The following PLA2G2F variants were observed in gnomAD, a reference collection of about 807,000 sequenced individuals.
PLA2G2F encodes phospholipase A2 group IIF.
PLA2G2F carries 17 observed loss-of-function variants against 15.9 expected under a neutral mutation model. That is an observed-to-expected ratio of 1.07 (90% CI 0.73 to 1.60). The LOEUF is 1.60. PLA2G2F is among the 40% of genes most tolerant of loss of function. PLA2G2F has a pLI of 0.00. For missense variants in PLA2G2F, 299 were observed against 278.2 expected, an observed-to-expected ratio of 1.07 and a Z score of -0.53; for synonymous variants, 119 against 106.5, an observed-to-expected ratio of 1.12 and a Z score of -0.72.
At chr1:20,143,729 G>A (rs1163834844) in intron 3 of PLA2G2F, 139 bp downstream of exon 3, 3 of 1,092,978 alleles carry the variant, frequency 2.7e-6, no homozygotes, top group African/African-American at 3.2e-5. Context: ...TTGGTGACCA[G>A]AGCCTGGTCT....
intron 4 of PLA2G2F, among the ~76,000 whole-genome samples, chr1:20,145,060 A>G (rs2017560086): frequency 6.6e-6 from 1 of 152,052 alleles, no homozygotes; most frequent in South Asian, 2.1e-4. Flanking sequence ...AGCCTGGGAG[A>G]CAGAGTGAGA....
chr1:20,142,740 A>G (rs1483751041), intron 2 of PLA2G2F: 1 of 152,232 alleles, frequency 6.6e-6, no homozygotes, highest in Non-Finnish European at 1.5e-5. Flanking sequence ...CTGTTTCTTC[A>G]TTAGCGATCA....
At chr1:20,140,580 T>C (rs1267213843) in intron 2 of PLA2G2F, 3 of 237,052 alleles carry the variant, frequency 1.3e-5, no homozygotes, top group Non-Finnish European at 2.5e-5. Flanking sequence ...TGTAGGTGTG[T>C]CTGAGCATGT....
Position 20,140,436 on chromosome 1 carries a change from G to T in PLA2G2F, c.169+218G>T, listed in dbSNP as rs1377563909. ...TGCATTTATGAGCCCTGGGGGGCAG[G>T]GCGCAGGGCTGAGCAAGCATCGTAA... is the stretch of plus-strand genomic sequence containing the variant. On this transcript the variant is annotated intron_variant, in intron 2 of 4. Coordinates refer to ENST00000375102, the MANE Select transcript of PLA2G2F (RefSeq NM_022819.4). 7.2e-6 allele frequency: 4 copies of T among 553,448 alleles called. No homozygotes were observed. The East Asian group carries it at 9.1e-5, about 13-fold the overall frequency. 34.3% of individuals were successfully genotyped at this position (553,448 alleles called of 1,614,324 possible). A position where few individuals can be genotyped will look rare whatever the true frequency, so the allele number is the denominator to read the frequency against.
Position 20,148,320 on chromosome 1 carries a change from G to T in PLA2G2F, c.555G>T (p.Thr185=). Reference sequence around the variant, plus strand: ...TCAATGTCTACTGCCAGGGCCCCACGCCCAACTGCAGCATCTATGAACCGC... The same window carrying T: ...TCAATGTCTACTGCCAGGGCCCCACTCCCAACTGCAGCATCTATGAACCGC... ...GFLNVYCQGP[T]PNCSIYEPPP... Residue 185 remains threonine, a synonymous_variant, in exon 5 of 5, where the codon ACG becomes ACT. Transcript: ENST00000375102. 1 of 1,613,966 alleles carries T rather than the reference G, an allele frequency of 6.2e-7. No individual in the cohort carries two copies. The highest frequency in any genetic ancestry group is 8.5e-7 in the Non-Finnish European group (1 of 1,179,978).
At chr1:20,147,201 C>T (rs1034501306) in intron 4 of PLA2G2F, among the ~76,000 whole-genome samples, 6 of 152,182 alleles carry the variant, frequency 3.9e-5, no homozygotes, top group African/African-American at 1.4e-4. Context: ...AAATGCCAAT[C>T]ATCAAGCCCC....
chr1:20,145,475 T>A (rs1448552099), intron 4 of PLA2G2F, among the ~76,000 whole-genome samples: 1 of 151,688 alleles, frequency 6.6e-6, no homozygotes, highest in Non-Finnish European at 1.5e-5. Flanking sequence ...AGATACAGGG[T>A]TTCACCATGT....
chr1:20,146,380 G>A (rs750379136), intron 4 of PLA2G2F, among the ~76,000 whole-genome samples: 3 of 152,182 alleles, frequency 2.0e-5, no homozygotes, highest in African/African-American at 4.8e-5. Flanking sequence ...ATCCTAGGAC[G>A]CCCAGTGTTT....
At chr1:20,147,046 T>C (rs1421344536) in intron 4 of PLA2G2F, among the ~76,000 whole-genome samples, 1 of 152,162 alleles carries the variant, frequency 6.6e-6, no homozygotes, top group Non-Finnish European at 1.5e-5. Flanking sequence ...GCATCAGCTT[T>C]CTTTAAAGAG....
Position 20,148,184 on chromosome 1 carries a change from CT to C in PLA2G2F, c.425-5del. The C allele has an allele frequency of 1.2e-6, 2 of 1,613,712 alleles. No homozygotes were observed. Among genetic ancestry groups the C allele is most frequent in the East Asian group, 4.5e-5 (2 of 44,842 alleles). On this transcript the variant is annotated splice_polypyrimidine_tract_variant and splice_region_variant and intron_variant, in intron 4 of 4. Transcript: ENST00000375102. ...CCACAGCCTTTGCCACCCCATCCCC[CT>C]GTAGGTGACCTCAACAAGACAGAGT...
rs1400585391 is a variant in PLA2G2F, at chr1:20,148,557, G to A, written c.*156G>A. On this transcript the variant is annotated 3_prime_UTR_variant, in exon 5 of 5. Transcript: ENST00000375102. Reference sequence around the variant, plus strand: ...AGGGCTCAGCTCTCAGAGGACTCAGGAAGGCCTGGGTCCTGACTCCCCCAG... The same window carrying A: ...AGGGCTCAGCTCTCAGAGGACTCAGAAAGGCCTGGGTCCTGACTCCCCCAG... The A allele has an allele frequency of 1.4e-5, 9 of 639,372 alleles. No homozygotes were observed. The highest frequency in any genetic ancestry group is 1.1e-4 in the African/African-American group (6 of 54,564). The allele number at this position is 639,372 out of a possible 1,614,324, so 39.6% of individuals were successfully genotyped here.
Position 20,149,595 on chromosome 1 carries a change from G to A in PLA2G2F, c.*1194G>A, listed in dbSNP as rs984002745. On this transcript the variant is annotated 3_prime_UTR_variant, in exon 5 of 5. Transcript: ENST00000375102. ...AGCTTCTAGAAGGCAGTAAGGAACAGGGTGGTGAAGGAGAGGGGAGAAGAT... is the reference window on the plus strand; with the variant it reads ...AGCTTCTAGAAGGCAGTAAGGAACAAGGTGGTGAAGGAGAGGGGAGAAGAT... 2.6e-5 allele frequency: 4 copies of A among 152,728 alleles called. No individual in the cohort carries two copies. The highest frequency in any genetic ancestry group is 2.0e-4 in the Admixed American group (3 of 15,288). The allele number at this position is 152,728 out of a possible 1,614,324, so 9.5% of individuals were successfully genotyped here. A position where few individuals can be genotyped will look rare whatever the true frequency, so the allele number is the denominator to read the frequency against.
At chr1:20,140,123 G>T (rs781745777) in intron 1 of PLA2G2F, 43 bp from the exon 2 acceptor site, 1 of 1,605,292 alleles carries the variant, frequency 6.2e-7, no homozygotes, top group Admixed American at 1.7e-5. Flanking sequence ...ACTGCCAAGG[G>T]TGGAGGGGAT....
chr1:20,148,589 C>T lies in PLA2G2F; in HGVS notation c.*188C>T. On this transcript the variant is annotated 3_prime_UTR_variant, in exon 5 of 5. Transcript: ENST00000375102. ...TGGGTCCTGACTCCCCCAGCCCAGC[C>T]CCAGGCATGGGTGCCTCCTGCTGCT... 1.7e-6 allele frequency: 1 copy of T among 603,032 alleles called. No homozygotes were observed. Among genetic ancestry groups the T allele is most frequent in the Non-Finnish European group, 2.9e-6 (1 of 340,156 alleles). 37.4% of individuals were successfully genotyped at this position (603,032 alleles called of 1,614,324 possible). A position where few individuals can be genotyped will look rare whatever the true frequency, so the allele number is the denominator to read the frequency against.
At chr1:20,139,597 G>T in intron 1 of PLA2G2F, 54 bp downstream of exon 1, 3 of 1,294,712 alleles carry the variant, frequency 2.3e-6, no homozygotes, top group Non-Finnish European at 3.1e-6. Context: ...AGGGACAGGC[G>T]TGAGGGACTG....
At chr1:20,146,530 C>G (rs1162363908) in intron 4 of PLA2G2F, among the ~76,000 whole-genome samples, 1 of 152,212 alleles carries the variant, frequency 6.6e-6, no homozygotes, top group Non-Finnish European at 1.5e-5. Flanking sequence ...CCTGCCCTGC[C>G]CTACTCTGTG....
In PLA2G2F at chr1:20,144,815, G is replaced by A. The variant is rs2017554044; in HGVS notation, c.424+126G>A. 3 of 792,032 alleles carry A rather than the reference G, an allele frequency of 3.8e-6. No individual in the cohort carries two copies. The South Asian group carries it at 5.0e-5, about 13-fold the overall frequency. 49.1% of individuals were successfully genotyped at this position (792,032 alleles called of 1,614,324 possible). On this transcript the variant is annotated intron_variant, in intron 4 of 4. Transcript: ENST00000375102. ...CTGCCAGCCGGGTGCGGTGGCTCATGCCTGTAATCCCAGCACTTTGGGAGG... is the reference window on the plus strand; with the variant it reads ...CTGCCAGCCGGGTGCGGTGGCTCATACCTGTAATCCCAGCACTTTGGGAGG...
At chr1:20,147,152 C>G (rs2100696873) in intron 4 of PLA2G2F, among the ~76,000 whole-genome samples, 1 of 152,262 alleles carries the variant, frequency 6.6e-6, no homozygotes. Flanking sequence ...GCCCCTGAAC[C>G]AGCAACAGCA....
chr1:20,140,918 A>T (rs1432294226), intron 2 of PLA2G2F: 1 of 152,184 alleles, frequency 6.6e-6, no homozygotes, highest in Non-Finnish European at 1.5e-5. Context: ...GGCATCATTT[A>T]TGTGGCAGGT....
Sources: gnomAD v4.1 joint callset for allele counts (sites outside exome capture counted in the v4.1 genomes callset) on GRCh38, gnomAD v4.1.1 for gene constraint, MANE v1.5 for transcripts, NCBI Gene and HGNC (gene_info 2026-07-23, HGNC 2026-07-21) for gene names.